The following NPHP1 variants were observed in gnomAD, a reference collection of about 807,000 sequenced individuals.
The protein encoded by NPHP1 is nephrocystin-1.
In NPHP1, 70 loss-of-function variants were observed where a neutral mutation model predicts 90.4. The observed-to-expected ratio is 0.77, with a 90% confidence interval of 0.64 to 0.95. The LOEUF (loss-of-function observed/expected upper bound fraction) is 0.95, where lower values mean the gene tolerates loss of function less well. NPHP1 is among the 40% of genes least tolerant of loss of function. The probability of loss-of-function intolerance (pLI) is 0.00; values close to 1 mark genes in which losing one functional copy is unlikely to be tolerated. For synonymous variants in NPHP1, 256 were observed against 271.7 expected, an observed-to-expected ratio of 0.94 and a Z score of 0.57; for missense variants, 764 against 795.9, an observed-to-expected ratio of 0.96 and a Z score of 0.48.
intron 2 of NPHP1, among the ~76,000 whole-genome samples, chr2:110,194,898 G>A (rs1173299816): frequency 7.3e-6 from 1 of 136,242 alleles, no homozygotes; most frequent in Non-Finnish European, 1.6e-5. Flanking sequence ...CAGAACCAAC[G>A]ACAAAAACCA....
At chr2:110,181,628 T>C (rs1683913167) in intron 2 of NPHP1, among the ~76,000 whole-genome samples, 1 of 152,082 alleles carries the variant, frequency 6.6e-6, no homozygotes, top group African/African-American at 2.4e-5. Context: ...AAAAATCCTA[T>C]TTAAAGGTCA....
chr2:110,179,920 A>G (rs979510574), intron 2 of NPHP1, among the ~76,000 whole-genome samples: 1 of 152,158 alleles, frequency 6.6e-6, no homozygotes, highest in Non-Finnish European at 1.5e-5. Context: ...GTCTCTGGGC[A>G]TCAGTTTCCT....
chr2:110,176,634 A>T (rs1442011673), intron 4 of NPHP1, among the ~76,000 whole-genome samples: 4 of 152,132 alleles, frequency 2.6e-5, no homozygotes, highest in African/African-American at 9.7e-5. Flanking sequence ...TGTTCCTGAT[A>T]AGGTCTGCTT....
intron 4 of NPHP1, among the ~76,000 whole-genome samples, chr2:110,173,593 G>A (rs1296337582): frequency 6.6e-6 from 1 of 152,092 alleles, no homozygotes; most frequent in Non-Finnish European, 1.5e-5. Context: ...ACACCATTGT[G>A]TTACAATTGT....
intron 6 of NPHP1, among the ~76,000 whole-genome samples, chr2:110,167,831 T>C (rs923179856): frequency 1.3e-5 from 2 of 152,084 alleles, no homozygotes; most frequent in Non-Finnish European, 2.9e-5. Context: ...TCGAATTGAA[T>C]TGCTGACACC....
chr2:110,164,257 G>C lies in NPHP1; in HGVS notation c.771+431C>G, dbSNP rs1682549316. On this transcript the variant is annotated intron_variant, in intron 8 of 19. Coordinates refer to ENST00000445609, the MANE Select transcript of NPHP1 (RefSeq NM_001128178.3). ...TCACTATGTTGCTCAAGCTGGTCTT[G>C]AATTCCTGGCCTCAAGTGATCCTCC... 1.9e-5 allele frequency: 9 copies of C among 484,774 alleles called. No homozygotes were observed. The South Asian group carries it at 1.9e-4, about 10-fold the overall frequency. The allele number at this position is 484,774 out of a possible 1,614,324, so 30.0% of individuals were successfully genotyped here. A position where few individuals can be genotyped will look rare whatever the true frequency, so the allele number is the denominator to read the frequency against.
intron 16 of NPHP1, among the ~76,000 whole-genome samples, chr2:110,143,158 C>T (rs1396163552): frequency 6.6e-6 from 1 of 152,116 alleles, no homozygotes; most frequent in African/African-American, 2.4e-5. Flanking sequence ...AATTACATGA[C>T]AGTATACATT....
At chr2:110,162,084 G>C (rs971324677) in intron 9 of NPHP1, among the ~76,000 whole-genome samples, 2 of 152,022 alleles carry the variant, frequency 1.3e-5, no homozygotes, top group Non-Finnish European at 1.5e-5. Context: ...CTTCCTCCAT[G>C]CTTTAGTCAT....
chr2:110,169,917 C>T lies in NPHP1; in HGVS notation c.411G>A (p.Glu137=). The change falls in exon 5 of 20, where the codon GAG becomes GAA. Residue 137 remains glutamate (E), a synonymous_variant. Transcript: ENST00000445609. ...TTTCCTCTTTCTCTTCCTCTTCCTC[C>T]TCTGCATCTTCTTCCTCCCCACCAC... The part of the protein sequence containing the change: ...EDSGGEEEDA[E]EEEEEKEENE... 1.9e-6 allele frequency: 3 copies of T among 1,607,462 alleles called. No individual in the cohort carries two copies. Among genetic ancestry groups the T allele is most frequent in the Non-Finnish European group, 2.6e-6 (3 of 1,174,088 alleles).
intron 2 of NPHP1, chr2:110,185,099 A>G (rs1220724259): frequency 5.1e-6 from 3 of 588,568 alleles, no homozygotes; most frequent in East Asian, 9.2e-5. Flanking sequence ...CCTTGCCTCC[A>G]TGACACCTTT....
chr2:110,180,840 G>A (rs1683853401), intron 2 of NPHP1, among the ~76,000 whole-genome samples: 1 of 152,170 alleles, frequency 6.6e-6, no homozygotes, highest in African/African-American at 2.4e-5. Context: ...GAGATCTCCT[G>A]AGTTCATGCC....
intron 2 of NPHP1, among the ~76,000 whole-genome samples, chr2:110,181,156 G>A (rs111419822): frequency 1.1e-4 from 16 of 152,192 alleles, no homozygotes; most frequent in South Asian, 2.1e-4. Context: ...CCAAGTTACC[G>A]GGGCAGGGGT....
At chr2:110,153,496 T>G (rs972462160) in intron 11 of NPHP1, among the ~76,000 whole-genome samples, 2 of 152,172 alleles carry the variant, frequency 1.3e-5, no homozygotes, top group African/African-American at 4.8e-5. Flanking sequence ...GACAACTATA[T>G]TACAAGCTAG....
chr2:110,203,549 A>C (rs1685714861), intron 1 of NPHP1, among the ~76,000 whole-genome samples: 1 of 152,242 alleles, frequency 6.6e-6, no homozygotes, highest in Non-Finnish European at 1.5e-5. Context: ...CTGTGATTCC[A>C]ATACACAGTC....
At chr2:110,195,119 A>G (rs1415726637) in intron 2 of NPHP1, among the ~76,000 whole-genome samples, 3 of 151,906 alleles carry the variant, frequency 2.0e-5, no homozygotes, top group Non-Finnish European at 2.9e-5. Flanking sequence ...GCCCTCTCTC[A>G]CCACTCCTAT....
chr2:110,169,776 T>C (rs1461463331), intron 5 of NPHP1, 30 bp downstream of exon 5: 1 of 1,490,252 alleles, frequency 6.7e-7, no homozygotes. Context: ...CATCGACCCT[T>C]AGGTTAGGTT....
At chr2:110,170,938 C>A (rs979050327) in intron 4 of NPHP1, among the ~76,000 whole-genome samples, 11 of 151,988 alleles carry the variant, frequency 7.2e-5, no homozygotes, top group African/African-American at 2.7e-4. Flanking sequence ...AAAAGAGGTA[C>A]GCGGAATGTA....
chr2:110,134,519 CAAT>C (rs767726826), intron 16 of NPHP1, among the ~76,000 whole-genome samples: 41 of 136,692 alleles, frequency 3.0e-4, no homozygotes, highest in Non-Finnish European at 5.0e-4. Context: ...AAAAAGCCAA[CAAT>C]ACTACAAGAA....
At chr2:110,128,172 T>C (rs926555604) in intron 18 of NPHP1, 3 of 152,158 alleles carry the variant, frequency 2.0e-5, no homozygotes, top group African/African-American at 7.2e-5. Context: ...TCTTTGTAGA[T>C]GACTGAGTCC....
Sources: gnomAD v4.1 joint callset for allele counts (sites outside exome capture counted in the v4.1 genomes callset) on GRCh38, gnomAD v4.1.1 for gene constraint, MANE v1.5 for transcripts, NCBI Gene and HGNC (gene_info 2026-07-23, HGNC 2026-07-21) for gene names.